Variants in RTN2 observed in about 807,000 individuals in gnomAD.
RTN2 encodes reticulon-2.
Under a neutral mutation model 63.7 loss-of-function variants are expected in RTN2, and 36 were observed. The observed-to-expected ratio is 0.56, with a 90% CI of 0.43 to 0.75. The LOEUF (loss-of-function observed/expected upper bound fraction) is 0.75, where lower values mean the gene tolerates loss of function less well. Ranked by LOEUF, RTN2 falls within the 30% of genes least tolerant of loss-of-function variation. The pLI, the probability that RTN2 is intolerant of heterozygous loss-of-function variation, is 0.00. For synonymous variants in RTN2, 312 were observed against 313.0 expected (o/e 1.00, Z 0.03); for missense variants, 673 against 705.1 (o/e 0.95, Z 0.52).
rs772058826 is a variant in RTN2 at position 45,494,860 on chromosome 19, G to A, written c.225C>T (p.Ser75=). ...SYIAFDGVVG[S]GGRRDSTARR... is the part of the protein sequence containing the mutation. ...GGGCAGTTGAATCCCTGCGGCCCCC[G>A]GAGCCCACTACACCATCAAAGGCGA... The change falls in exon 3 of 11, where the codon TCC becomes TCT. Residue 75 remains serine, a synonymous_variant. Transcript: ENST00000245923. This position sits in a 1 kb window ranked among gnomAD's most constrained non-coding sequence, Gnocchi z 5.3. 5 of 1,606,284 alleles carry A rather than the reference G, an allele frequency of 3.1e-6. No individual in the cohort carries two copies. The highest frequency in any genetic ancestry group is 2.2e-5 in the East Asian group (1 of 44,874).
chr19:45,485,885 A>T, intron 10 of RTN2, 96 bp from the exon 11 acceptor site: 1 of 1,226,482 alleles, frequency 8.2e-7, no homozygotes, highest in Admixed American at 1.8e-5. Context: ...ACTGACCAAG[A>T]GCCCGAAGCC....
chr19:45,489,397 TA>T lies in RTN2; in HGVS notation c.1189del (p.Tyr397ThrfsTer27). On this transcript the variant is annotated frameshift_variant, in exon 6 of 11. Coordinates refer to ENST00000245923, the MANE Select transcript of RTN2 (RefSeq NM_005619.5). LOFTEE classifies it high-confidence loss of function. The part of the protein sequence containing the change: ...LLCGTISLRV[Y>X]RKVLQAVHRG... Reference sequence around the variant, plus strand: ...GTGCACGGCCTGCAGCACTTTGCGGTAAACCCTGAGAGAGATGGTGCCGCAG... The same window carrying T: ...GTGCACGGCCTGCAGCACTTTGCGGTAACCCTGAGAGAGATGGTGCCGCAG... 6.3e-7 allele frequency: 1 copy of T among 1,598,578 alleles called. No homozygotes were observed. Among genetic ancestry groups the T allele is most frequent in the Non-Finnish European group, 8.5e-7 (1 of 1,173,122 alleles).
In RTN2 at chr19:45,493,982, G is replaced by A. The variant is rs62109645; in HGVS notation, c.814+184C>T. The stretch of plus-strand genomic sequence containing the variant: ...TGGGATTACAGGCATGAGCCACCGC[G>A]CCCGGCCGGGGAAATTTTTTTAAAA... On this transcript the variant is annotated intron_variant, in intron 4 of 10. Coordinates refer to ENST00000245923, the MANE Select transcript of RTN2 (RefSeq NM_005619.5). 201,219 of 950,440 alleles carry A rather than the reference G, an allele frequency of 0.21. 22,539 individuals are homozygous for A. Among genetic ancestry groups the A allele is most frequent in the Non-Finnish European group, 0.23 (145,320 of 641,238 alleles). 58.9% of individuals were successfully genotyped at this position (950,440 alleles called of 1,614,324 possible).
At chr19:45,489,631 T>C in intron 5 of RTN2, 78 bp from the exon 6 acceptor site, 3 of 1,023,356 alleles carry the variant, frequency 2.9e-6, no homozygotes, top group Non-Finnish European at 4.4e-6. Context: ...GTCCTACAGC[T>C]GAAAATGACT....
chr19:45,485,629 T>G lies in RTN2; in HGVS notation c.*79A>C, dbSNP rs1968002308. The G allele has an allele frequency of 1.1e-5, 12 of 1,133,168 alleles. No individual in the cohort carries two copies. The highest frequency in any genetic ancestry group is 1.6e-5 in the African/African-American group (1 of 63,686). The allele number at this position is 1,133,168 out of a possible 1,614,324, so 70.2% of individuals were successfully genotyped here. Reference sequence around the variant, plus strand: ...GGCTCGGGCCGAGGAGGGGGGTGGGTGGGAACGGACAAGAGATGGAGGGGG... The same window carrying G: ...GGCTCGGGCCGAGGAGGGGGGTGGGGGGGAACGGACAAGAGATGGAGGGGG... On this transcript the variant is annotated 3_prime_UTR_variant, in exon 11 of 11. Coordinates refer to ENST00000245923, the MANE Select transcript of RTN2 (RefSeq NM_005619.5).
At chr19:45,491,543 T>C (rs1358384356) in intron 5 of RTN2, among the ~76,000 whole-genome samples, 3 of 149,288 alleles carry the variant, frequency 2.0e-5, no homozygotes. Context: ...TTTTTTTTTT[T>C]TTTTTTGAGG....
chr19:45,494,070 G>A lies in RTN2; in HGVS notation c.814+96C>T. 1.0e-5 allele frequency: 15 copies of A among 1,502,776 alleles called. No homozygotes were observed. The highest frequency in any genetic ancestry group is 1.3e-5 in the Non-Finnish European group (15 of 1,114,174). 93.1% of individuals were successfully genotyped at this position (1,502,776 alleles called of 1,614,324 possible). A position where few individuals can be genotyped will look rare whatever the true frequency, so the allele number is the denominator to read the frequency against. ...GTCTATCTCTTCCCTTTTCCACTAT[G>A]TACTGTTCCTTTGCGAGGTTGGTCC... On this transcript the variant is annotated intron_variant, in intron 4 of 10. Transcript: ENST00000245923. This position sits in a 1 kb window ranked among gnomAD's most constrained non-coding sequence, Gnocchi z 5.3.
In RTN2 at chr19:45,496,814, G is replaced by T. The variant is rs1355479472; in HGVS notation, c.12C>A (p.Val4=). The T allele has an allele frequency of 7.9e-6, 12 of 1,518,718 alleles. No individual in the cohort carries two copies. Among genetic ancestry groups the T allele is most frequent in the Non-Finnish European group, 1.1e-5 (12 of 1,129,238 alleles). The allele number at this position is 1,518,718 out of a possible 1,614,324, so 94.1% of individuals were successfully genotyped here. A position where few individuals can be genotyped will look rare whatever the true frequency, so the allele number is the denominator to read the frequency against. Residue 4 remains valine (V), a synonymous_variant, in exon 1 of 11, where the codon GTC becomes GTA. Coordinates refer to ENST00000245923, the MANE Select transcript of RTN2 (RefSeq NM_005619.5). MGQ[V]LPVFAHCKEA... ...CACTGCAGTGGGCGAAGACCGGCAG[G>T]ACCTGCCCCATGGCCCCCCTCGGGC...
In RTN2 at chr19:45,485,367, G is replaced by A; in HGVS notation, c.*341C>T. On this transcript the variant is annotated 3_prime_UTR_variant, in exon 11 of 11. Transcript: ENST00000245923. ...CCTGGGCCCCATGCAAAGCCCCGGC[G>A]TTGGGGCTAGTAGCATCCAGGAGAC... The A allele has an allele frequency of 3.4e-6, 1 of 290,344 alleles. No individual in the cohort carries two copies. Among genetic ancestry groups the A allele is most frequent in the South Asian group, 6.4e-5 (1 of 15,648 alleles). The allele number at this position is 290,344 out of a possible 1,614,324, so 18.0% of individuals were successfully genotyped here.
At position 45,496,693 on chromosome 19, in the gene RTN2, C is replaced by T. The variant is rs1455805008; in HGVS notation, c.34+99G>A. On this transcript the variant is annotated intron_variant, in intron 1 of 10. Coordinates refer to ENST00000245923, the MANE Select transcript of RTN2 (RefSeq NM_005619.5). The stretch of plus-strand genomic sequence containing the variant: ...CTTTGTCTCCTATGCCTCCTCCCCC[C>T]ATCCCGGCTCTCCTGCGGGCAAGCG... The T allele has an allele frequency of 9.2e-6, 7 of 759,482 alleles. No homozygotes were observed. In the Admixed American group the frequency reaches 1.2e-4, roughly 13 times the overall value. The allele number at this position is 759,482 out of a possible 1,614,324, so 47.0% of individuals were successfully genotyped here. A position where few individuals can be genotyped will look rare whatever the true frequency, so the allele number is the denominator to read the frequency against.
chr19:45,494,381 G>T lies in RTN2; in HGVS notation c.599C>A (p.Pro200His), dbSNP rs1343280347. The change falls in exon 4 of 11, where the codon CCC becomes CAC. Residue 200 changes from proline to histidine, a missense_variant. Coordinates refer to ENST00000245923, the MANE Select transcript of RTN2 (RefSeq NM_005619.5). This position sits in a 1 kb window ranked among gnomAD's most constrained non-coding sequence, Gnocchi z 5.3. ...LRLRLAQPSSPEVLTPQLSPG... is the reference protein window; with the variant it reads ...LRLRLAQPSSHEVLTPQLSPG... ...ACTGAGCTGGGGAGTCAAGACCTCG[G>T]GCGATGAGGGCTGAGCAAGTCGGAG... The T allele has an allele frequency of 6.2e-7, 1 of 1,614,010 alleles. No homozygotes were observed. The highest frequency in any genetic ancestry group is 8.5e-7 in the Non-Finnish European group (1 of 1,179,904).
chr19:45,492,530 T>C (rs1171013738), intron 5 of RTN2, among the ~76,000 whole-genome samples: 2 of 152,140 alleles, frequency 1.3e-5, no homozygotes, highest in Admixed American at 1.3e-4. Context: ...AGAGGGAGAC[T>C]CTGTGGCTTA....
intron 9 of RTN2, among the ~76,000 whole-genome samples, chr19:45,488,262 CCAAAA>C (rs953103047): frequency 2.6e-5 from 4 of 152,098 alleles, no homozygotes; most frequent in Non-Finnish European, 2.9e-5. Context: ...CAAAGAAAAC[CCAAAA>C]CAAAACAAAA....
At chr19:45,489,798 C>T (rs1968115075) in intron 5 of RTN2, among the ~76,000 whole-genome samples, 1 of 151,292 alleles carries the variant, frequency 6.6e-6, no homozygotes, top group African/African-American at 2.4e-5. Context: ...CCCACGTCAG[C>T]CTCCTCAGTA....
At chr19:45,492,821 C>T (rs1237230274) in intron 5 of RTN2, among the ~76,000 whole-genome samples, 1 of 152,132 alleles carries the variant, frequency 6.6e-6, no homozygotes, top group African/African-American at 2.4e-5. Context: ...GGGGCCAGGT[C>T]GCCTGAGGCG....
At chr19:45,495,601 T>C (rs1276273733) in intron 1 of RTN2, among the ~76,000 whole-genome samples, 1 of 152,180 alleles carries the variant, frequency 6.6e-6, no homozygotes, top group South Asian at 2.1e-4. Flanking sequence ...GTGCTGTTTC[T>C]CATAGGGTGG....
intron 2 of RTN2, 22 bp from the exon 3 acceptor site, chr19:45,495,027 C>T (rs1384341036): frequency 1.2e-6 from 2 of 1,614,116 alleles, no homozygotes; most frequent in East Asian, 4.5e-5. Context: ...GAAGGAGAGC[C>T]TTGTTTCCCT....
rs767779372 is a variant in RTN2 at position 45,494,409 on chromosome 19, G to A, written c.571C>T (p.Arg191Ter). The change falls in exon 4 of 11, where the codon CGA becomes TGA. Residue 191 changes from arginine (R) to a stop codon, truncating the protein, a stop_gained. Coordinates refer to ENST00000245923, the MANE Select transcript of RTN2 (RefSeq NM_005619.5). LOFTEE classifies it high-confidence loss of function. The surrounding 1 kb of genome is among the most constrained non-coding windows in gnomAD (Gnocchi z 5.3). ...TGEAGEELDL[R>*]LRLAQPSSPE... ...GATGAGGGCTGAGCAAGTCGGAGTC[G>A]TAGGTCCAGTTCTGATACGGTAGAG... 2.5e-6 allele frequency: 4 copies of A among 1,612,784 alleles called. No individual in the cohort carries two copies. The highest frequency in any genetic ancestry group is 1.3e-5 in the African/African-American group (1 of 74,888).
chr19:45,491,350 T>C (rs1968155564), intron 5 of RTN2, among the ~76,000 whole-genome samples: 1 of 142,328 alleles, frequency 7.0e-6, no homozygotes, highest in Non-Finnish European at 1.5e-5. Flanking sequence ...GGCACCACGA[T>C]ATCGTGCTAA....
Sources: gnomAD v4.1 joint callset for allele counts (sites outside exome capture counted in the v4.1 genomes callset) on GRCh38, gnomAD v4.1.1 for gene constraint, Gnocchi (gnomAD v3.1) non-coding constraint, MANE v1.5 for transcripts, NCBI Gene and HGNC (gene_info 2026-07-23, HGNC 2026-07-21) for gene names.